Variants in TENM2 observed in about 807,000 individuals in gnomAD.
TENM2 encodes the protein teneurin transmembrane protein 2.
TENM2 carries 52 observed loss-of-function variants against 245.2 expected under a neutral mutation model. That is an observed-to-expected ratio of 0.21 (90% confidence interval 0.17 to 0.27). The LOEUF (loss-of-function observed/expected upper bound fraction) is 0.27. Among genes scored for constraint, TENM2 ranks in the 10% least tolerant of loss-of-function variants. The probability of loss-of-function intolerance (pLI) is 1.00; values close to 1 mark genes in which losing one functional copy is unlikely to be tolerated. For missense variants in TENM2, 3,046 were observed against 3,666.8 expected (o/e 0.83, Z 4.37); for synonymous variants, 1,363 against 1,438.9 (o/e 0.95, Z 1.19).
chr5:168,196,031 GACAC>G (rs1761400100), intron 15 of TENM2, among the ~76,000 whole-genome samples: 1 of 152,072 alleles, frequency 6.6e-6, no homozygotes, highest in South Asian at 2.1e-4. Context: ...AAAACACACA[GACAC>G]ACACACAATT....
chr5:167,047,151 G>A, the TENM2 span, among the ~76,000 whole-genome samples: 1 of 152,216 alleles, frequency 6.6e-6, no homozygotes, highest in South Asian at 2.1e-4. Context: ...TTTCTCTTTT[G>A]TACTTTCTTA....
chr5:167,301,351 G>A (rs977690054), intron 1 of TENM2, among the ~76,000 whole-genome samples: 3 of 152,214 alleles, frequency 2.0e-5, no homozygotes, highest in Admixed American at 6.5e-5. Context: ...GGCACTTGTA[G>A]CAAGCTCCTG....
At chr5:167,739,801 T>A (rs1196864916) in intron 2 of TENM2, among the ~76,000 whole-genome samples, 1 of 152,168 alleles carries the variant, frequency 6.6e-6, no homozygotes, top group Non-Finnish European at 1.5e-5. Context: ...TCTTCCCCGT[T>A]TGGAGTGCAG....
chr5:167,048,991 C>CT, the TENM2 span, among the ~76,000 whole-genome samples: 13 of 151,934 alleles, frequency 8.6e-5, no homozygotes, highest in East Asian at 2.3e-3. Flanking sequence ...GAACAGTGTA[C>CT]TTTTTTTTGT....
chr5:167,310,130 T>A (rs995194142), intron 1 of TENM2, among the ~76,000 whole-genome samples: 6 of 152,226 alleles, frequency 3.9e-5, no homozygotes, highest in African/African-American at 1.4e-4. Context: ...TACTCAGCCA[T>A]CTGATGAGAT....
intron 5 of TENM2, among the ~76,000 whole-genome samples, chr5:167,996,112 C>T (rs1247894099): frequency 2.0e-5 from 3 of 152,116 alleles, no homozygotes; most frequent in Admixed American, 6.6e-5. Flanking sequence ...GTGTTCAAAC[C>T]CGAAGAAAGA....
intron 2 of TENM2, among the ~76,000 whole-genome samples, chr5:167,665,491 T>C (rs980123916): frequency 6.6e-6 from 1 of 152,128 alleles, no homozygotes; most frequent in African/African-American, 2.4e-5. Flanking sequence ...ATTTTATGGA[T>C]TCCAGTATGT....
At chr5:167,181,960 A>G in the TENM2 span, among the ~76,000 whole-genome samples, 1 of 152,194 alleles carries the variant, frequency 6.6e-6, no homozygotes. Context: ...GTTTATTTCT[A>G]CAAGAAAGGC....
At chr5:167,838,048 C>T (rs1424220950) in intron 2 of TENM2, among the ~76,000 whole-genome samples, 3 of 152,204 alleles carry the variant, frequency 2.0e-5, no homozygotes, top group East Asian at 3.8e-4. Flanking sequence ...AGAAGAAATA[C>T]CGACTTGAAC....
intron 15 of TENM2, among the ~76,000 whole-genome samples, chr5:168,197,564 G>T (rs535578373): frequency 6.6e-6 from 1 of 152,086 alleles, no homozygotes; most frequent in Non-Finnish European, 1.5e-5. Flanking sequence ...GCCAGGCATC[G>T]TGGCAGGCGC....
In TENM2 at chr5:168,247,864, G is replaced by T; in HGVS notation, c.6925G>T (p.Ala2309Ser). The change falls in exon 27 of 29, where the codon GCT (alanine) becomes TCT (serine). Residue 2309 changes from alanine (A) to serine (S), a missense_variant. By Grantham distance (99) the Ala-to-Ser change is moderately conservative. Transcript: ENST00000518659. This position sits in a 1 kb window ranked among gnomAD's most constrained non-coding sequence, Gnocchi z 7.8. Reference sequence around the variant, plus strand: ...CCGCTATGATGGCGTAGGACGGCGGGCTTCCTACAAGACCAACCTGGGCCA... The same window carrying T: ...CCGCTATGATGGCGTAGGACGGCGGTCTTCCTACAAGACCAACCTGGGCCA... The T allele has an allele frequency of 6.2e-7, 1 of 1,613,960 alleles. No individual in the cohort carries two copies. Among genetic ancestry groups the T allele is most frequent in the African/African-American group, 1.3e-5 (1 of 75,030 alleles).
chr5:167,890,280 C>T (rs927410670), intron 3 of TENM2, among the ~76,000 whole-genome samples: 1 of 152,116 alleles, frequency 6.6e-6, no homozygotes, highest in Non-Finnish European at 1.5e-5. Flanking sequence ...GAATCTGTCG[C>T]CTCTCTTTAA....
intron 2 of TENM2, among the ~76,000 whole-genome samples, chr5:167,682,116 C>CCTGCCTGCCTG (rs773062042): frequency 0.013 from 1,358 of 103,572 alleles, 26 homozygotes; most frequent in African/African-American, 0.048. Flanking sequence ...CTCCCTCCCT[C>CCTGCCTGCCTG]CCTCCCTCCC....
intron 7 of TENM2, among the ~76,000 whole-genome samples, chr5:168,082,070 A>G (rs1792053377): frequency 6.6e-6 from 1 of 152,292 alleles, no homozygotes; most frequent in African/African-American, 2.4e-5. Flanking sequence ...AGGCACACCA[A>G]TCAGACGTAG....
chr5:168,176,276 C>T (rs972108504), intron 13 of TENM2, among the ~76,000 whole-genome samples: 9 of 152,206 alleles, frequency 5.9e-5, no homozygotes, highest in African/African-American at 1.9e-4. Flanking sequence ...CCCAGGTTGC[C>T]GCAGTGGCTT....
chr5:167,022,061 T>G, the TENM2 span, among the ~76,000 whole-genome samples: 1 of 152,226 alleles, frequency 6.6e-6, no homozygotes, highest in South Asian at 2.1e-4. Context: ...TGGGTTTATG[T>G]TCTTCAACAC....
At chr5:167,082,695 C>T in the TENM2 span, among the ~76,000 whole-genome samples, 2 of 152,068 alleles carry the variant, frequency 1.3e-5, no homozygotes, top group Admixed American at 1.3e-4. Flanking sequence ...CTTGCTAATA[C>T]CTCTATTTTA....
the TENM2 span, among the ~76,000 whole-genome samples, chr5:167,025,162 G>T: frequency 1.3e-5 from 2 of 152,068 alleles, no homozygotes; most frequent in Non-Finnish European, 2.9e-5. Context: ...AAAGTAGAAT[G>T]AAATAGGTAA....
At chr5:167,236,588 C>T in the TENM2 span, among the ~76,000 whole-genome samples, 5 of 152,162 alleles carry the variant, frequency 3.3e-5, no homozygotes, top group African/African-American at 9.7e-5. Flanking sequence ...TAGAAGTCTT[C>T]TAGATCCTTC....
Sources: gnomAD v4.1 joint callset for allele counts (sites outside exome capture counted in the v4.1 genomes callset) on GRCh38, gnomAD v4.1.1 for gene constraint, Gnocchi (gnomAD v3.1) non-coding constraint, MANE v1.5 for transcripts, NCBI Gene and HGNC (gene_info 2026-07-23, HGNC 2026-07-21) for gene names.